Variants in TCN1 observed in about 807,000 individuals in gnomAD.
TCN1 encodes transcobalamin 1.
In TCN1, 47 loss-of-function variants were observed where a neutral mutation model predicts 46.3. That is an observed-to-expected ratio of 1.01 (90% CI 0.80 to 1.29). The LOEUF is 1.29. Ranked by LOEUF, TCN1 falls within the 50% of genes most tolerant of loss-of-function variation. The probability of loss-of-function intolerance (pLI) is 0.00; values close to 1 mark genes in which losing one functional copy is unlikely to be tolerated. For synonymous variants in TCN1, 183 were observed against 192.5 expected, an observed-to-expected ratio of 0.95 and a Z score of 0.41; for missense variants, 532 against 511.0, an observed-to-expected ratio of 1.04 and a Z score of -0.40.
chr11:59,854,863 A>ATATTCAGAAAATT, intron 6 of TCN1, 28 bp from the exon 7 acceptor site: 7 of 1,613,388 alleles, frequency 4.3e-6, no homozygotes, highest in Non-Finnish European at 5.9e-6. Flanking sequence ...GCCCAGAGCA[A>ATATTCAGAAAATT]TATTCAGAAA....
chr11:59,860,327 C>T (rs2135108548), intron 4 of TCN1, among the ~76,000 whole-genome samples: 1 of 152,048 alleles, frequency 6.6e-6, no homozygotes, highest in East Asian at 1.9e-4. Context: ...CGGGGTTTCA[C>T]CATGTTGGCG....
intron 5 of TCN1, among the ~76,000 whole-genome samples, chr11:59,857,981 A>G (rs937748392): frequency 3.9e-5 from 6 of 152,192 alleles, no homozygotes; most frequent in Admixed American, 2.0e-4. Context: ...GCCTGAAACC[A>G]TGGATAGTAC....
Position 59,856,078 on chromosome 11 carries a change from TGGG to T in TCN1, c.748-23_748-21del. 1.2e-5 allele frequency: 4 copies of T among 323,558 alleles called. No homozygotes were observed. The highest frequency in any genetic ancestry group is 2.2e-5 in the Non-Finnish European group (4 of 178,450). The allele number at this position is 323,558 out of a possible 1,614,324, so 20.0% of individuals were successfully genotyped here. On this transcript the variant is annotated intron_variant, in intron 5 of 8. Coordinates refer to ENST00000257264, the MANE Select transcript of TCN1 (RefSeq NM_001062.4). ...GAGGGCCTAATGAGGCAGGGTGGGG[TGGG>T]GGGGTGATGAGAGATAAAGAGAGAC...
chr11:59,855,295 C>A (rs1852918466), intron 6 of TCN1, among the ~76,000 whole-genome samples: 1 of 152,258 alleles, frequency 6.6e-6, no homozygotes, highest in South Asian at 2.1e-4. Context: ...TTGTTCCCAA[C>A]TTTTACATTA....
rs1217611864 is a variant in TCN1, at chr11:59,856,056, G to C, written c.750C>G (p.Ala250=). 51 of 1,445,456 alleles carry C rather than the reference G, an allele frequency of 3.5e-5. No homozygotes were observed. The highest frequency in any genetic ancestry group is 4.4e-5 in the Non-Finnish European group (47 of 1,074,350). The allele number at this position is 1,445,456 out of a possible 1,614,324, so 89.5% of individuals were successfully genotyped here. The change falls in exon 6 of 9, where the codon GCC becomes GCG. Residue 250 remains alanine, a splice_region_variant and synonymous_variant. Transcript: ENST00000257264. ...NTFSTGEAMQ[A]LFVSSDYYNE... ...TATAATAGTCTGATGATACAAAGAG[G>C]GCCTAATGAGGCAGGGTGGGGTGGG...
At chr11:59,856,582 C>A (rs1315090393) in intron 5 of TCN1, among the ~76,000 whole-genome samples, 2 of 151,716 alleles carry the variant, frequency 1.3e-5, no homozygotes, top group Non-Finnish European at 2.9e-5. Flanking sequence ...ACAACATGAA[C>A]AAAGGTGTTA....
chr11:59,853,069 A>G (rs1449562671), intron 8 of TCN1, 33 bp from the exon 9 acceptor site: 1 of 1,612,548 alleles, frequency 6.2e-7, no homozygotes, highest in Non-Finnish European at 8.5e-7. Context: ...ACTGGGTCAA[A>G]TGATTTGGCC....
chr11:59,864,737 A>G (rs73490907), intron 1 of TCN1, among the ~76,000 whole-genome samples: 9,558 of 152,240 alleles, frequency 0.063, 944 homozygotes, highest in African/African-American at 0.21. Context: ...GGAAGTAGGA[A>G]AATCCATAGC....
chr11:59,854,796 G>A lies in TCN1; in HGVS notation c.977C>T (p.Thr326Ile), dbSNP rs1590864799. The change falls in exon 7 of 9, where the codon ACA (threonine) becomes ATA (isoleucine). Residue 326 changes from threonine to isoleucine, a missense_variant. Thr to Ile is a moderately conservative substitution (Grantham distance 89, BLOSUM62 -1). Coordinates refer to ENST00000257264, the MANE Select transcript of TCN1 (RefSeq NM_001062.4). The stretch of plus-strand genomic sequence containing the variant: ...GATATATGATTGTGAGTCAGGAGGT[G>A]TCACAGTTATAGGCTCATCAGCGGA... ...NISADEPITV[T>I]PPDSQSYISV... 1 of 1,614,052 alleles carries A rather than the reference G, an allele frequency of 6.2e-7. No homozygotes were observed. Among genetic ancestry groups the A allele is most frequent in the East Asian group, 2.2e-5 (1 of 44,868 alleles).
chr11:59,856,159 T>C, intron 5 of TCN1, 101 bp from the exon 6 acceptor site: 1 of 888,604 alleles, frequency 1.1e-6, no homozygotes, highest in Admixed American at 2.0e-5. Context: ...TCTATAACTA[T>C]ATATGTAACT....
At position 59,855,899 on chromosome 11, in the gene TCN1, T is replaced by A; in HGVS notation, c.907A>T (p.Asn303Tyr). ...GCAGAGACGCAAGAAGAGTCTTTGT[T>A]AATATCCAAGAAGGTCTTTCCCATC... Reference protein sequence around the residue: ...ALMGKTFLDINKDSSCVSASG... With the variant: ...ALMGKTFLDIYKDSSCVSASG... The change falls in exon 6 of 9, where the codon AAC becomes TAC. Residue 303 changes from asparagine to tyrosine, a missense_variant. Physicochemically the swap from Asn to Tyr is moderately radical, Grantham distance 143. Coordinates refer to ENST00000257264, the MANE Select transcript of TCN1 (RefSeq NM_001062.4). 6.2e-7 allele frequency: 1 copy of A among 1,613,894 alleles called. No homozygotes were observed. The highest frequency in any genetic ancestry group is 8.5e-7 in the Non-Finnish European group (1 of 1,179,798).
Position 59,861,581 on chromosome 11 carries a change from T to A in TCN1, c.502A>T (p.Asn168Tyr). Residue 168 changes from asparagine (N) to tyrosine (Y), a missense_variant, in exon 4 of 9, where the codon AAC becomes TAC. By Grantham distance (143) the Asn-to-Tyr change is moderately radical. Coordinates refer to ENST00000257264, the MANE Select transcript of TCN1 (RefSeq NM_001062.4). Reference sequence around the variant, plus strand: ...TTTTTATTTTCAGGAGTGAAGTGGTTGACAACTTCGGCGGTTGAGTAGTTC... The same window carrying A: ...TTTTTATTTTCAGGAGTGAAGTGGTAGACAACTTCGGCGGTTGAGTAGTTC... ...NGNYSTAEVVNHFTPENKNYY... is the reference protein window; with the variant it reads ...NGNYSTAEVVYHFTPENKNYY... The A allele has an allele frequency of 6.2e-7, 1 of 1,614,142 alleles. No individual in the cohort carries two copies. Among genetic ancestry groups the A allele is most frequent in the Non-Finnish European group, 8.5e-7 (1 of 1,179,984 alleles).
chr11:59,860,520 A>C (rs928060919), intron 4 of TCN1, among the ~76,000 whole-genome samples: 5 of 151,920 alleles, frequency 3.3e-5, no homozygotes, highest in Non-Finnish European at 7.4e-5. Context: ...ATACACATGG[A>C]CAGTATTTCA....
rs768633040 is a variant in TCN1, at chr11:59,859,163, T to C, written c.661A>G (p.Thr221Ala). 11 of 1,613,968 alleles carry C rather than the reference T, an allele frequency of 6.8e-6. No homozygotes were observed. Among genetic ancestry groups the C allele is most frequent in the South Asian group, 4.4e-5 (4 of 91,086 alleles). ...EGSLKNISIY[T>A]KSLVEKILSE... ...AGAATCTTTTCTACCAGTGACTTTG[T>C]ATAAATACTGATGTTCTTTAAACTG... The change falls in exon 5 of 9, where the codon ACA (threonine) becomes GCA (alanine). Residue 221 changes from threonine to alanine, a missense_variant. Physicochemically the swap from Thr to Ala is moderately conservative, Grantham distance 58 (BLOSUM62 0). Transcript: ENST00000257264.
chr11:59,861,402 T>G (rs1304551129), intron 4 of TCN1, 125 bp downstream of exon 4: 1 of 1,072,658 alleles, frequency 9.3e-7, no homozygotes, highest in Non-Finnish European at 1.4e-6. Flanking sequence ...AATTCCCTTT[T>G]GAGGGGACTA....
intron 8 of TCN1, 26 bp downstream of exon 8, chr11:59,853,177 G>A (rs765904595): frequency 6.2e-7 from 1 of 1,612,916 alleles, no homozygotes; most frequent in South Asian, 1.1e-5. Flanking sequence ...TTTAGCATGG[G>A]TCTTTTTGGC....
Position 59,859,957 on chromosome 11 carries a change from A to G in TCN1, c.557-690T>C, listed in dbSNP as rs572752651. On this transcript the variant is annotated intron_variant, in intron 4 of 8. Transcript: ENST00000257264. ...CCCAGCTGAGGAACAGGTGTCTTTG[A>G]GAATCCAAACATCCTGGAAAGCATC... Among the ~76,000 whole-genome samples, 21 of 152,292 alleles carry G rather than the reference A, an allele frequency of 1.4e-4. No homozygotes were observed. In the East Asian group the frequency reaches 3.5e-3, roughly 25 times the overall value.
Position 59,855,912 on chromosome 11 carries a change from G to T in TCN1, c.894C>A (p.Thr298=), listed in dbSNP as rs1322609967. Reference sequence around the variant, plus strand: ...AAGAGTCTTTGTTAATATCCAAGAAGGTCTTTCCCATCAGGGCAGGTAAGA... The same window carrying T: ...AAGAGTCTTTGTTAATATCCAAGAATGTCTTTCCCATCAGGGCAGGTAAGA... The part of the protein sequence containing the change: ...AQVLPALMGK[T]FLDINKDSSC... Residue 298 remains threonine (T), a synonymous_variant, in exon 6 of 9, where the codon ACC becomes ACA. Coordinates refer to ENST00000257264, the MANE Select transcript of TCN1 (RefSeq NM_001062.4). The T allele has an allele frequency of 6.2e-7, 1 of 1,613,738 alleles. No homozygotes were observed. Among genetic ancestry groups the T allele is most frequent in the East Asian group, 2.2e-5 (1 of 44,892 alleles).
At chr11:59,866,273 T>C in intron 1 of TCN1, 119 bp downstream of exon 1, 2 of 994,514 alleles carry the variant, frequency 2.0e-6, no homozygotes, top group Admixed American at 3.7e-5. Flanking sequence ...ATTCATGGAG[T>C]CCAACCACAT....
Sources: allele counts gnomAD v4.1 joint callset (sites outside exome capture counted in the v4.1 genomes callset), GRCh38; gene constraint gnomAD v4.1.1; transcripts MANE v1.5; gene names NCBI Gene and HGNC (gene_info 2026-07-23, HGNC 2026-07-21).